The following UBE4B variants were observed in gnomAD, a reference collection of about 807,000 sequenced individuals.
The protein encoded by UBE4B is ubiquitin conjugation factor E4 B.
UBE4B carries 27 observed loss-of-function variants against 148.1 expected under a neutral mutation model. That is an observed-to-expected ratio of 0.18 (90% CI 0.13 to 0.25). The LOEUF (loss-of-function observed/expected upper bound fraction) is 0.25, where lower values mean the gene tolerates loss of function less well. Among genes scored for constraint, UBE4B ranks in the 10% least tolerant of loss-of-function variants. UBE4B has a pLI of 1.00. For missense variants in UBE4B, 1,170 were observed against 1,662.4 expected (o/e 0.70, Z 5.15); for synonymous variants, 596 against 619.3 (o/e 0.96, Z 0.56).
intron 17 of UBE4B, among the ~76,000 whole-genome samples, chr1:10,141,033 T>A (rs1313216614): frequency 6.6e-6 from 1 of 152,156 alleles, no homozygotes; most frequent in Non-Finnish European, 1.5e-5. Flanking sequence ...GTCAGTGATT[T>A]TAGCCCTACA....
At chr1:10,124,200 T>C (rs1470455157) in intron 10 of UBE4B, among the ~76,000 whole-genome samples, 1 of 151,944 alleles carries the variant, frequency 6.6e-6, no homozygotes, top group African/African-American at 2.4e-5. Flanking sequence ...CTCTCTCTGT[T>C]ACCCAGGCTG....
chr1:10,106,277 C>T lies in UBE4B; in HGVS notation c.890C>T (p.Ser297Phe). 3 of 1,614,158 alleles carry T rather than the reference C, an allele frequency of 1.9e-6. No individual in the cohort carries two copies. The South Asian group carries it at 3.3e-5, about 18-fold the overall frequency. The change falls in exon 7 of 28, where the codon TCC becomes TTC. Residue 297 changes from serine (S) to phenylalanine (F), a missense_variant. Physicochemically the swap from Ser to Phe is radical, Grantham distance 155. Coordinates refer to ENST00000343090, the MANE Select transcript of UBE4B (RefSeq NM_001105562.3). This position sits in a 1 kb window ranked among gnomAD's most constrained non-coding sequence, Gnocchi z 4.2. ...ATGGGCCCGTCTCTTGCCTCACCTT[C>T]CCGTGCAGCCAGCCAGTTGGCTGTG... Reference protein sequence around the residue: ...PVMGPSLASPSRAASQLAVPS... With the variant: ...PVMGPSLASPFRAASQLAVPS...
At chr1:10,154,236 C>A in intron 21 of UBE4B, among the ~76,000 whole-genome samples, 1 of 151,732 alleles carries the variant, frequency 6.6e-6, no homozygotes. Context: ...AGCAAGACTT[C>A]ATCTCAAAAA....
intron 20 of UBE4B, among the ~76,000 whole-genome samples, chr1:10,150,031 A>G (rs964086548): frequency 6.6e-6 from 1 of 152,216 alleles, no homozygotes; most frequent in Non-Finnish European, 1.5e-5. Context: ...AAATTGTGAA[A>G]GTTTTGTAAC....
At position 10,106,608 on chromosome 1, in the gene UBE4B, A is replaced by C. The variant is rs767652047; in HGVS notation, c.1196+25A>C. 8 of 1,508,840 alleles carry C rather than the reference A, an allele frequency of 5.3e-6. No homozygotes were observed. The highest frequency in any genetic ancestry group is 6.2e-6 in the Non-Finnish European group (7 of 1,136,764). The allele number at this position is 1,508,840 out of a possible 1,614,324, so 93.5% of individuals were successfully genotyped here. On this transcript the variant is annotated intron_variant, in intron 7 of 27. Coordinates refer to ENST00000343090, the MANE Select transcript of UBE4B (RefSeq NM_001105562.3). The surrounding 1 kb of genome is among the most constrained non-coding windows in gnomAD (Gnocchi z 4.2). ...GGTATTTATCCCACAGGAGAGTTGC[A>C]TGTGTGTTTGCGGTGCAGGGAAAGG...
intron 2 of UBE4B, among the ~76,000 whole-genome samples, chr1:10,094,179 G>T (rs1175003560): frequency 6.6e-6 from 1 of 152,154 alleles, no homozygotes; most frequent in Non-Finnish European, 1.5e-5. Flanking sequence ...AAATTGCTGT[G>T]AGAAATCATC....
chr1:10,064,042 T>C (rs531172798), intron 1 of UBE4B, among the ~76,000 whole-genome samples: 2 of 152,308 alleles, frequency 1.3e-5, no homozygotes, highest in Admixed American at 1.3e-4. Context: ...ATGAGCTTGT[T>C]GCAGCTTGTC....
At chr1:10,090,124 TG>T (rs1244565897) in intron 2 of UBE4B, among the ~76,000 whole-genome samples, 2 of 132,810 alleles carry the variant, frequency 1.5e-5, no homozygotes, top group Admixed American at 6.9e-5. Context: ...TGTGTGTGTG[TG>T]TGTTTTTTTT....
At chr1:10,078,950 G>A (rs1458578019) in intron 2 of UBE4B, among the ~76,000 whole-genome samples, 2 of 152,168 alleles carry the variant, frequency 1.3e-5, no homozygotes, top group African/African-American at 2.4e-5. Context: ...AGAAGTAGCT[G>A]AGACTACAGG....
intron 24 of UBE4B, among the ~76,000 whole-genome samples, chr1:10,169,231 C>T (rs1488098415): frequency 6.6e-6 from 1 of 152,184 alleles, no homozygotes; most frequent in Non-Finnish European, 1.5e-5. Context: ...GTGAGGAAGG[C>T]AAGACGGGGA....
At chr1:10,127,405 A>G (rs1475424724) in intron 11 of UBE4B, among the ~76,000 whole-genome samples, 1 of 152,214 alleles carries the variant, frequency 6.6e-6, no homozygotes, top group South Asian at 2.1e-4. Flanking sequence ...TAGAGCAGGC[A>G]TACATTGTGG....
intron 1 of UBE4B, among the ~76,000 whole-genome samples, chr1:10,035,949 TA>T (rs1643511169): frequency 6.6e-6 from 1 of 150,938 alleles, no homozygotes. Flanking sequence ...TTCACCGTGT[TA>T]GCCCAGGATG....
At chr1:10,122,156 T>A (rs761257139) in intron 10 of UBE4B, 80 bp downstream of exon 10, 46 of 971,894 alleles carry the variant, frequency 4.7e-5, no homozygotes, top group Non-Finnish European at 5.7e-5. Flanking sequence ...CATTGAAAAC[T>A]TTTGCCTGAA....
rs1392630024 is a variant in UBE4B, at chr1:10,122,094, T to C, written c.1554+18T>C. ...TCAAGCAGGTACGGTCGTATGAGTT[T>C]GCTCTTGCAAATTTTAGCCTGAGAG... On this transcript the variant is annotated intron_variant, in intron 10 of 27. Transcript: ENST00000343090. 1.1e-5 allele frequency: 17 copies of C among 1,568,270 alleles called. No homozygotes were observed. The highest frequency in any genetic ancestry group is 1.4e-5 in the Non-Finnish European group (16 of 1,149,730).
chr1:10,062,973 A>G (rs534313605), intron 1 of UBE4B, among the ~76,000 whole-genome samples: 5 of 151,484 alleles, frequency 3.3e-5, no homozygotes, highest in African/African-American at 1.2e-4. Context: ...AAAAAAAAAG[A>G]AAAAGAAAAT....
Position 10,098,858 on chromosome 1 carries a change from C to G in UBE4B, c.348-2250C>G, listed in dbSNP as rs186765435. ...AAATCAGCAATAAGAACAAGGATGA[C>G]TGCTATTTCTTCTTGTATTTAGCAG... On this transcript the variant is annotated intron_variant, in intron 3 of 27. Transcript: ENST00000343090. 2.0e-5 allele frequency among the ~76,000 whole-genome samples: 3 copies of G among 152,296 alleles called. No individual in the cohort carries two copies. The East Asian group carries it at 5.8e-4, about 29-fold the overall frequency.
intron 21 of UBE4B, among the ~76,000 whole-genome samples, chr1:10,158,039 A>G (rs1435633683): frequency 6.6e-6 from 1 of 152,172 alleles, no homozygotes. Context: ...CTGTAAATTA[A>G]TAACTTAAAA....
In UBE4B at chr1:10,102,989, A is replaced by T; in HGVS notation, c.477A>T (p.Leu159Phe). The change falls in exon 5 of 28, where the codon TTA (leucine) becomes TTT (phenylalanine). Residue 159 changes from leucine to phenylalanine, a missense_variant. Physicochemically the swap from Leu to Phe is conservative, Grantham distance 22. Coordinates refer to ENST00000343090, the MANE Select transcript of UBE4B (RefSeq NM_001105562.3). Reference protein sequence around the residue: ...SGPEVSEEQALQLVCKIFRVS... With the variant: ...SGPEVSEEQAFQLVCKIFRVS... The stretch of plus-strand genomic sequence containing the variant: ...CTGAAGTGTCTGAAGAGCAGGCCTT[A>T]CAGCTGGTCTGTAAGATCTTCCGTG... 6.2e-7 allele frequency: 1 copy of T among 1,613,708 alleles called. No homozygotes were observed. The highest frequency in any genetic ancestry group is 2.2e-5 in the East Asian group (1 of 44,878).
chr1:10,044,395 G>A (rs145199652), intron 1 of UBE4B, among the ~76,000 whole-genome samples: 4 of 151,952 alleles, frequency 2.6e-5, no homozygotes, highest in African/African-American at 9.7e-5. Flanking sequence ...AAGTGAATTA[G>A]GGCAGTGGTC....
Sources: allele counts gnomAD v4.1 joint callset (sites outside exome capture counted in the v4.1 genomes callset), GRCh38; gene constraint gnomAD v4.1.1; non-coding constraint Gnocchi (gnomAD v3.1); transcripts MANE v1.5; gene names NCBI Gene and HGNC (gene_info 2026-07-23, HGNC 2026-07-21).